Variants in SLC10A7 observed in about 807,000 individuals in gnomAD.
The protein encoded by SLC10A7 is solute carrier family 10 member 7.
In SLC10A7, 29 loss-of-function variants were observed where a neutral mutation model predicts 43.2. The ratio of observed to expected loss-of-function variants is 0.67; its 90% CI spans 0.50 to 0.92. SLC10A7 has a LOEUF of 0.92. SLC10A7 is among the 40% of genes least tolerant of loss of function. SLC10A7 has a pLI of 0.00. For missense variants in SLC10A7, 295 were observed against 403.2 expected (o/e 0.73, Z 2.30); for synonymous variants, 152 against 144.8 (o/e 1.05, Z -0.35).
chr4:146,344,398 A>G (rs1734471853), intron 5 of SLC10A7, among the ~76,000 whole-genome samples: 1 of 152,090 alleles, frequency 6.6e-6, no homozygotes, highest in Non-Finnish European at 1.5e-5. Flanking sequence ...GAAAAGCAGA[A>G]CTAGGTTAGA....
intron 5 of SLC10A7, among the ~76,000 whole-genome samples, chr4:146,337,579 A>C (rs1733977406): frequency 6.6e-6 from 1 of 152,038 alleles, no homozygotes; most frequent in Non-Finnish European, 1.5e-5. Context: ...ACCATCATAA[A>C]AATAGCCAAT....
chr4:146,489,776 C>G (rs78234341), intron 4 of SLC10A7, among the ~76,000 whole-genome samples: 1 of 152,180 alleles, frequency 6.6e-6, no homozygotes, highest in African/African-American at 2.4e-5. Context: ...AAACCTGAGA[C>G]AGGGCTTTTC....
At position 146,490,023 on chromosome 4, in the gene SLC10A7, AT is replaced by A. The variant is rs139072133; in HGVS notation, c.396+13825del. Among the ~76,000 whole-genome samples the A allele has an allele frequency of 7.8e-3, 1,157 of 148,438 alleles. 2 individuals carry two copies. Among genetic ancestry groups the A allele is most frequent in the Admixed American group, 0.011 (168 of 14,848 alleles). ...ACATAATTCCTCCAACAAAAATTCT[AT>A]TTTTTTTTTGTCATCTACAAAAAGA... On this transcript the variant is annotated intron_variant, in intron 4 of 11. Coordinates refer to ENST00000335472, the MANE Select transcript of SLC10A7 (RefSeq NM_001029998.6).
chr4:146,348,804 A>C (rs1274295184), intron 5 of SLC10A7, among the ~76,000 whole-genome samples: 8 of 152,212 alleles, frequency 5.3e-5, no homozygotes, highest in Non-Finnish European at 1.5e-5. Flanking sequence ...GAGATAGCCA[A>C]AGATATAATA....
intron 5 of SLC10A7, among the ~76,000 whole-genome samples, chr4:146,337,921 G>A (rs1407144412): frequency 6.6e-6 from 1 of 151,844 alleles, no homozygotes; most frequent in East Asian, 1.9e-4. Context: ...TAGAGTCAAC[G>A]ATTACATATA....
intron 5 of SLC10A7, among the ~76,000 whole-genome samples, chr4:146,373,790 T>G (rs1736965190): frequency 6.6e-6 from 1 of 152,178 alleles, no homozygotes; most frequent in Admixed American, 6.5e-5. Flanking sequence ...ATGATTTTTT[T>G]TAAACCACCC....
intron 5 of SLC10A7, among the ~76,000 whole-genome samples, chr4:146,359,753 A>C (rs1735913748): frequency 6.6e-6 from 1 of 152,178 alleles, no homozygotes; most frequent in Admixed American, 6.6e-5. Context: ...TAACAGCTAA[A>C]TTGATTATAG....
At position 146,452,823 on chromosome 4, in the gene SLC10A7, ATTAC is replaced by A. The variant is rs562176033; in HGVS notation, c.397-10006_397-10003del. ...TATATCATTGTATTTTTTAAGTACC[ATTAC>A]TTAAATTACTGAATATTACTTAAAC... On this transcript the variant is annotated intron_variant, in intron 4 of 11. Coordinates refer to ENST00000335472, the MANE Select transcript of SLC10A7 (RefSeq NM_001029998.6). Among the ~76,000 whole-genome samples, 17 of 152,130 alleles carry A rather than the reference ATTAC, an allele frequency of 1.1e-4. No individual in the cohort carries two copies. In the South Asian group the frequency reaches 2.7e-3, roughly 24 times the overall value.
rs115656123 is a variant in SLC10A7, at chr4:146,328,650, G to A, written c.436-2654C>T. ...TGGGGTCCATGGACTGGACTGTCTGGAGTCCCTATCCCCCAAAATGCCTCA... is the reference window on the plus strand; with the variant it reads ...TGGGGTCCATGGACTGGACTGTCTGAAGTCCCTATCCCCCAAAATGCCTCA... On this transcript the variant is annotated intron_variant, in intron 5 of 11. Coordinates refer to ENST00000335472, the MANE Select transcript of SLC10A7 (RefSeq NM_001029998.6). Among the ~76,000 whole-genome samples the A allele has an allele frequency of 7.5e-3, 1,143 of 152,180 alleles. 15 individuals are homozygous for A. Among genetic ancestry groups the A allele is most frequent in the African/African-American group, 0.026 (1,085 of 41,532 alleles).
chr4:146,519,286 A>G (rs1357922423), intron 1 of SLC10A7, among the ~76,000 whole-genome samples: 1 of 144,086 alleles, frequency 6.9e-6, no homozygotes, highest in African/African-American at 2.5e-5. Context: ...TACAATATAT[A>G]ACATAATATA....
intron 6 of SLC10A7, among the ~76,000 whole-genome samples, chr4:146,310,594 C>T (rs150285766): frequency 1.0e-3 from 158 of 151,820 alleles, no homozygotes; most frequent in African/African-American, 3.6e-3. Context: ...GCTTTTTTTC[C>T]TATATTTGTT....
intron 10 of SLC10A7, among the ~76,000 whole-genome samples, chr4:146,260,410 T>C (rs1479071447): frequency 6.6e-6 from 1 of 152,170 alleles, no homozygotes; most frequent in East Asian, 1.9e-4. Flanking sequence ...GTGATAGAAG[T>C]ATCATGATAT....
intron 4 of SLC10A7, among the ~76,000 whole-genome samples, chr4:146,445,141 C>T (rs1251848705): frequency 6.6e-6 from 1 of 152,104 alleles, no homozygotes; most frequent in East Asian, 1.9e-4. Flanking sequence ...TGCAATTCCC[C>T]AAACTCATCA....
At chr4:146,291,378 A>T (rs1277980002) in intron 9 of SLC10A7, among the ~76,000 whole-genome samples, 1 of 152,152 alleles carries the variant, frequency 6.6e-6, no homozygotes, top group African/African-American at 2.4e-5. Flanking sequence ...AATTACATCA[A>T]TCAATAAGTT....
At chr4:146,455,650 T>G (rs920373655) in intron 4 of SLC10A7, among the ~76,000 whole-genome samples, 1 of 151,850 alleles carries the variant, frequency 6.6e-6, no homozygotes, top group Admixed American at 6.6e-5. Flanking sequence ...TAACTTACCA[T>G]AGATTCACAG....
intron 5 of SLC10A7, among the ~76,000 whole-genome samples, chr4:146,365,878 G>A (rs929699585): frequency 1.6e-4 from 24 of 152,298 alleles, no homozygotes; most frequent in East Asian, 9.6e-4. Flanking sequence ...TTAGGAACCC[G>A]GCCGCACTGC....
intron 4 of SLC10A7, among the ~76,000 whole-genome samples, chr4:146,464,052 T>C (rs1732786883): frequency 6.6e-6 from 1 of 151,980 alleles, no homozygotes; most frequent in Non-Finnish European, 1.5e-5. Flanking sequence ...CTTGAATTCC[T>C]GGGCTCAAGC....
At chr4:146,492,585 A>G (rs1321414593) in intron 4 of SLC10A7, among the ~76,000 whole-genome samples, 1 of 152,096 alleles carries the variant, frequency 6.6e-6, no homozygotes, top group Admixed American at 6.5e-5. Context: ...TCACCCAGGC[A>G]GGTCTGAAAC....
At chr4:146,472,441 T>A (rs1043248844) in intron 4 of SLC10A7, among the ~76,000 whole-genome samples, 1 of 151,834 alleles carries the variant, frequency 6.6e-6, no homozygotes, top group Non-Finnish European at 1.5e-5. Flanking sequence ...ATTCTGTTTT[T>A]TTTTTTTTTT....
Sources: allele counts gnomAD v4.1 joint callset (sites outside exome capture counted in the v4.1 genomes callset), GRCh38; gene constraint gnomAD v4.1.1; transcripts MANE v1.5; gene names NCBI Gene and HGNC (gene_info 2026-07-23, HGNC 2026-07-21).